The following PCDHA8 variants were observed in gnomAD, a reference collection of about 807,000 sequenced individuals.
PCDHA8 encodes the protein protocadherin alpha 8.
PCDHA8 carries 53 observed loss-of-function variants against 61.8 expected under a neutral mutation model. That is an observed-to-expected ratio of 0.86 (90% confidence interval 0.69 to 1.08). The LOEUF (loss-of-function observed/expected upper bound fraction) is 1.08. Ranked by LOEUF, PCDHA8 falls within the 50% of genes least tolerant of loss-of-function variation. PCDHA8 has a pLI of 0.00. For synonymous variants in PCDHA8, 618 were observed against 556.6 expected, an observed-to-expected ratio of 1.11 and a Z score of -1.55; for missense variants, 1,293 against 1,245.0, an observed-to-expected ratio of 1.04 and a Z score of -0.58.
At chr5:140,936,340 C>T (rs1346812812) in intron 1 of PCDHA8, among the ~76,000 whole-genome samples, 1 of 152,102 alleles carries the variant, frequency 6.6e-6, no homozygotes, top group Non-Finnish European at 1.5e-5. Flanking sequence ...TCTCTATCTG[C>T]ATATATGGAA....
chr5:140,986,195 A>C (rs1200850544), intron 3 of PCDHA8, among the ~76,000 whole-genome samples: 1 of 152,196 alleles, frequency 6.6e-6, no homozygotes, highest in African/African-American at 2.4e-5. Context: ...TAAATTGGTT[A>C]ATCCTGATTA....
At chr5:140,935,264 A>G (rs756476804) in intron 1 of PCDHA8, among the ~76,000 whole-genome samples, 3 of 152,196 alleles carry the variant, frequency 2.0e-5, no homozygotes, top group African/African-American at 7.2e-5. Context: ...TCACATGTTT[A>G]TACTAATCTA....
chr5:140,966,837 T>C, intron 1 of PCDHA8: 1 of 1,566,152 alleles, frequency 6.4e-7, no homozygotes. Context: ...CCCTGGCTGC[T>C]GCTACTGCCT....
rs2150354431 is a variant in PCDHA8 at position 140,843,174 on chromosome 5, C to T, written c.1853C>T (p.Pro618Leu). 1.1e-4 allele frequency: 178 copies of T among 1,595,970 alleles called. 24 individuals carry two copies. Among genetic ancestry groups the T allele is most frequent in the Non-Finnish European group, 1.5e-4 (177 of 1,165,624 alleles). ...GAGCTGCAGCCAGCTGCAAGCAGCC[C>T]TCGCATCCCGTTCCGCGTGGGGCTG... Reference protein sequence around the residue: ...SYELQPAASSPRIPFRVGLYT... With the variant: ...SYELQPAASSLRIPFRVGLYT... Residue 618 changes from proline to leucine, a missense_variant, in exon 1 of 4, where the codon CCT becomes CTT. Transcript: ENST00000531613.
At chr5:140,967,695 T>C (rs782761674) in intron 1 of PCDHA8, 5 of 1,614,184 alleles carry the variant, frequency 3.1e-6, no homozygotes, top group Admixed American at 1.7e-5. Flanking sequence ...CTCTTCAGCA[T>C]AGATGCCAGT....
At position 140,842,676 on chromosome 5, in the gene PCDHA8, C is replaced by G. The variant is rs1554139267; in HGVS notation, c.1355C>G (p.Ala452Gly). The G allele has an allele frequency of 1.9e-6, 3 of 1,595,430 alleles. 1 individual carries two copies. The African/African-American group carries it at 4.0e-5, about 21-fold the overall frequency. ...SVEVADVNDNAPAFAQPEYTV... is the reference protein window; with the variant it reads ...SVEVADVNDNGPAFAQPEYTV... ...GAGGTGGCCGACGTGAACGACAATG[C>G]TCCGGCGTTCGCGCAGCCCGAGTAC... The change falls in exon 1 of 4, where the codon GCT (alanine) becomes GGT (glycine). Residue 452 changes from alanine (A) to glycine (G), a missense_variant. Transcript: ENST00000531613.
At chr5:140,897,560 T>C (rs1398247980) in intron 1 of PCDHA8, among the ~76,000 whole-genome samples, 1 of 152,200 alleles carries the variant, frequency 6.6e-6, no homozygotes, top group Non-Finnish European at 1.5e-5. Flanking sequence ...GGTGTATATG[T>C]GCCACATTTT....
intron 1 of PCDHA8, chr5:140,883,523 T>A: frequency 6.2e-7 from 1 of 1,614,226 alleles, no homozygotes; most frequent in Non-Finnish European, 8.5e-7. Flanking sequence ...CGAGAGCGTA[T>A]CAGCCTATGA....
At chr5:140,875,772 G>T (rs781933974) in intron 1 of PCDHA8, 2 of 1,614,136 alleles carry the variant, frequency 1.2e-6, no homozygotes, top group Non-Finnish European at 1.7e-6. Context: ...GGCGGAGCGC[G>T]GAGTGCAGTA....
intron 1 of PCDHA8, chr5:140,861,672 A>G (rs1581618530): frequency 4.0e-6 from 1 of 248,596 alleles, no homozygotes; most frequent in East Asian, 1.1e-4. Context: ...GCTCTTGATT[A>G]TCGTGTTTCA....
At chr5:140,980,837 A>T (rs1189348118) in intron 2 of PCDHA8, among the ~76,000 whole-genome samples, 1 of 152,160 alleles carries the variant, frequency 6.6e-6, no homozygotes, top group Non-Finnish European at 1.5e-5. Context: ...TGTGAACCTA[A>T]ATAATACTAA....
intron 1 of PCDHA8, chr5:140,929,247 T>G (rs2085977234): frequency 1.9e-6 from 3 of 1,613,780 alleles, no homozygotes. Flanking sequence ...ATCTTGCCAC[T>G]GGGGTAGGAC....
Position 140,850,211 on chromosome 5 carries a change from C to A in PCDHA8, c.2394+6496C>A, listed in dbSNP as rs2150473492. The stretch of plus-strand genomic sequence containing the variant: ...CGCTGCTGACACCTCGGATGAGGGG[C>A]ACTGACGGCGCAGTGAGCGAGATGG... On this transcript the variant is annotated intron_variant, in intron 1 of 3. Coordinates refer to ENST00000531613, the MANE Select transcript of PCDHA8 (RefSeq NM_018911.3). The A allele has an allele frequency of 5.0e-6, 8 of 1,593,540 alleles. 1 individual carries two copies. Among genetic ancestry groups the A allele is most frequent in the Non-Finnish European group, 6.0e-6 (7 of 1,167,626 alleles).
At chr5:140,887,357 A>G (rs112910602) in intron 1 of PCDHA8, among the ~76,000 whole-genome samples, 1 of 152,032 alleles carries the variant, frequency 6.6e-6, no homozygotes, top group Non-Finnish European at 1.5e-5. Flanking sequence ...CGGCCTCCCA[A>G]AGTGCTGGGA....
At position 140,843,439 on chromosome 5, in the gene PCDHA8, G is replaced by T. The variant is rs2150360020; in HGVS notation, c.2118G>T (p.Ala706=). The T allele has an allele frequency of 1.9e-6, 3 of 1,596,092 alleles. No homozygotes were observed. In the South Asian group the frequency reaches 3.3e-5, roughly 18 times the overall value. Residue 706 remains alanine (A), a synonymous_variant, in exon 1 of 4, where the codon GCG becomes GCT. Transcript: ENST00000531613. ...TGTACCTGATCATCGCCATCTGCGC[G>T]GTATCCAGCCTGCTGGTGCTCACGC... ...VNVYLIIAIC[A]VSSLLVLTLL...
At position 140,857,384 on chromosome 5, in the gene PCDHA8, G is replaced by A; in HGVS notation, c.2394+13669G>A. 7 of 1,598,500 alleles carry A rather than the reference G, an allele frequency of 4.4e-6. 1 individual carries two copies. The highest frequency in any genetic ancestry group is 2.7e-5 in the African/African-American group (2 of 74,484). On this transcript the variant is annotated intron_variant, in intron 1 of 3. Transcript: ENST00000531613. ...GGCCAGCGTGTCTGTGGAGGTGGCC[G>A]ACGTGAACGACAACGCGCCTGCGTT...
intron 1 of PCDHA8, chr5:140,884,544 G>A (rs1554181708): frequency 6.2e-7 from 1 of 1,614,222 alleles, no homozygotes; most frequent in East Asian, 2.2e-5. Flanking sequence ...CCGAGGGTGT[G>A]CTCTGGGGAG....
At chr5:140,921,811 T>C (rs1484171257) in intron 1 of PCDHA8, among the ~76,000 whole-genome samples, 1 of 152,096 alleles carries the variant, frequency 6.6e-6, no homozygotes, top group Non-Finnish European at 1.5e-5. Context: ...ATAAGATACA[T>C]GTGTGAATAT....
At chr5:140,850,689 T>C in intron 1 of PCDHA8, 4 of 1,594,932 alleles carry the variant, frequency 2.5e-6, no homozygotes, top group South Asian at 1.1e-5. Flanking sequence ...CGAGGGCGAG[T>C]GCGCGCCTGG....
Sources: gnomAD v4.1 joint callset for allele counts (sites outside exome capture counted in the v4.1 genomes callset) on GRCh38, gnomAD v4.1.1 for gene constraint, MANE v1.5 for transcripts, NCBI Gene and HGNC (gene_info 2026-07-23, HGNC 2026-07-21) for gene names.